The following RTL9 variants were observed in gnomAD, a reference collection of about 807,000 sequenced individuals.
RTL9 encodes retrotransposon Gag like 9, also known as retrotransposon Gag-like protein 9.
A neutral mutation model predicts 44.7 loss-of-function variants in RTL9; 19 were observed. The observed-to-expected ratio is 0.42, with a 90% CI of 0.30 to 0.62. The LOEUF is 0.62. Among genes scored for constraint, RTL9 ranks in the 20% least tolerant of loss-of-function variants. The probability of loss-of-function intolerance (pLI) is 0.16; values close to 1 mark genes in which losing one functional copy is unlikely to be tolerated. For synonymous variants in RTL9, 407 were observed against 398.9 expected, an observed-to-expected ratio of 1.02 and a Z score of -0.24; for missense variants, 1,105 against 1,080.6, an observed-to-expected ratio of 1.02 and a Z score of -0.32.
intron 1 of RTL9, among the ~76,000 whole-genome samples, chrX:110,444,919 C>T (rs928129434): frequency 8.9e-6 from 1 of 112,561 alleles, no homozygotes; most frequent in Non-Finnish European, 1.9e-5. Flanking sequence ...TTGCAGTCCT[C>T]TGGTATCCCT....
At chrX:110,381,774 A>C (rs1159381910) in intron 1 of RTL9, among the ~76,000 whole-genome samples, 1 of 111,222 alleles carries the variant, frequency 9.0e-6, no homozygotes, top group Non-Finnish European at 1.9e-5. Flanking sequence ...TTATGGGAAC[A>C]TGGATGCAGC....
chrX:110,386,013 G>A (rs2068452629), intron 1 of RTL9, among the ~76,000 whole-genome samples: 1 of 111,974 alleles, frequency 8.9e-6, no homozygotes, highest in Admixed American at 9.4e-5. Flanking sequence ...ATCATATTTT[G>A]TTTTTCCATT....
At chrX:110,422,379 C>T (rs2068723693) in intron 1 of RTL9, among the ~76,000 whole-genome samples, 1 of 112,678 alleles carries the variant, frequency 8.9e-6, no homozygotes, top group Admixed American at 9.3e-5. Flanking sequence ...TGACATTAAC[C>T]TATTGAATCC....
chrX:110,443,048 C>T (rs1380359911), intron 1 of RTL9, among the ~76,000 whole-genome samples: 1 of 111,742 alleles, frequency 8.9e-6, no homozygotes, highest in Admixed American at 9.5e-5. Context: ...CAGCAGGGAC[C>T]CCGGATAAGC....
intron 1 of RTL9, among the ~76,000 whole-genome samples, chrX:110,363,951 G>A (rs1166379867): frequency 8.9e-6 from 1 of 111,826 alleles, no homozygotes; most frequent in Non-Finnish European, 1.9e-5. Context: ...CCCATAAAAC[G>A]GAATGAGTGG....
At chrX:110,421,906 C>T (rs1294178081) in intron 1 of RTL9, among the ~76,000 whole-genome samples, 1 of 112,779 alleles carries the variant, frequency 8.9e-6, no homozygotes, top group Non-Finnish European at 1.9e-5. Context: ...TGCAAATGGC[C>T]AAATCCCAAT....
chrX:110,384,235 T>C (rs868572109), intron 1 of RTL9, among the ~76,000 whole-genome samples: 9 of 111,061 alleles, frequency 8.1e-5, no homozygotes, highest in Admixed American at 9.6e-5. Flanking sequence ...TAGTGCCTGG[T>C]GTTAAGTATG....
chrX:110,363,062 C>T (rs949963827), intron 1 of RTL9, among the ~76,000 whole-genome samples: 1 of 111,832 alleles, frequency 8.9e-6, no homozygotes, highest in Admixed American at 9.5e-5. Context: ...TGTTTTTTGT[C>T]ACCTCAACAA....
At chrX:110,439,200 G>A (rs1227738415) in intron 1 of RTL9, among the ~76,000 whole-genome samples, 1 of 111,965 alleles carries the variant, frequency 8.9e-6, no homozygotes, top group African/African-American at 3.2e-5. Flanking sequence ...TTCAGGGACT[G>A]ACAAGCCGGC....
At chrX:110,440,987 G>A (rs1251675937) in intron 1 of RTL9, among the ~76,000 whole-genome samples, 1 of 111,783 alleles carries the variant, frequency 8.9e-6, no homozygotes, top group Non-Finnish European at 1.9e-5. Context: ...CATCAGGTAT[G>A]TCAAAAACCT....
chrX:110,443,836 C>T (rs1169669615), intron 1 of RTL9, among the ~76,000 whole-genome samples: 2 of 112,184 alleles, frequency 1.8e-5, no homozygotes, highest in African/African-American at 6.5e-5. Flanking sequence ...TATTGTAAAC[C>T]GTGGAGCTTA....
At chrX:110,415,950 T>C (rs2068674219), upstream of RTL9, among the ~76,000 whole-genome samples, 1 of 109,075 alleles carries the variant, frequency 9.2e-6, no homozygotes, top group South Asian at 4.1e-4. Flanking sequence ...TTGTTCCCTT[T>C]ACTGCTGCAA....
chrX:110,442,051 T>C (rs1467903203), intron 1 of RTL9, among the ~76,000 whole-genome samples: 1 of 110,593 alleles, frequency 9.0e-6, no homozygotes, highest in Non-Finnish European at 1.9e-5. Context: ...GCCTAACCCA[T>C]GGGGTTAAAT....
rs751887543 is a variant in RTL9, at chrX:110,367,300, C to A, written c.-168+8384C>A. Among the ~76,000 whole-genome samples the A allele has an allele frequency of 3.6e-5, 4 of 112,074 alleles. No homozygotes were observed. In the East Asian group the frequency reaches 1.1e-3, roughly 32 times the overall value. On this transcript the variant is annotated intron_variant, in intron 1 of 2. Transcript: ENST00000520821. ...AAAATTCTGGAATGAGTTGTCTCTG[C>A]TCATTCGTTCCAATTTCTCTCCTCT...
At position 110,438,362 on chromosome X, in the gene RTL9, A is replaced by T. The variant is rs1047453561; in HGVS notation, c.-167-6791A>T. Among the ~76,000 whole-genome samples, 4 of 111,893 alleles carry T rather than the reference A, an allele frequency of 3.6e-5. No individual in the cohort carries two copies. The Admixed American group carries it at 3.8e-4, about 11-fold the overall frequency. On this transcript the variant is annotated intron_variant, in intron 1 of 3. Coordinates refer to the RTL9 transcript ENST00000465301. ...ACATTCTTAATGCTCCTGGAATGCC[A>T]CAAGGTGGACATAAAATTCAGGCTT... is the stretch of plus-strand genomic sequence containing the variant.
intron 1 of RTL9, among the ~76,000 whole-genome samples, chrX:110,428,928 A>T (rs1029292507): frequency 1.8e-5 from 2 of 112,357 alleles, no homozygotes; most frequent in African/African-American, 6.5e-5. Context: ...GCGACGGCAC[A>T]GGTCTGCCCC....
chrX:110,362,411 A>G (rs777695041), intron 1 of RTL9, among the ~76,000 whole-genome samples: 1 of 111,925 alleles, frequency 8.9e-6, no homozygotes, highest in African/African-American at 3.2e-5. Context: ...TAACTCAAAT[A>G]CTCTGTACTA....
chrX:110,441,591 A>G (rs2068880372), intron 1 of RTL9, among the ~76,000 whole-genome samples: 1 of 112,367 alleles, frequency 8.9e-6, no homozygotes, highest in South Asian at 3.7e-4. Context: ...GATTTTAGAA[A>G]AGCAATGTGG....
At chrX:110,442,097 G>A (rs1333915795) in intron 1 of RTL9, among the ~76,000 whole-genome samples, 1 of 111,099 alleles carries the variant, frequency 9.0e-6, no homozygotes, top group African/African-American at 3.3e-5. Flanking sequence ...TGAGCAGGTC[G>A]CTGAAAAAGT....
Sources: allele counts gnomAD v4.1 joint callset (sites outside exome capture counted in the v4.1 genomes callset), GRCh38; gene constraint gnomAD v4.1.1; transcripts MANE v1.5; gene names NCBI Gene and HGNC (gene_info 2026-07-23, HGNC 2026-07-21).